SHISA6: variants seen among roughly 807,000 people sequenced by gnomAD.
The protein encoded by SHISA6 is shisa family member 6, also known as protein shisa-6.
Under a neutral mutation model 47.9 loss-of-function variants are expected in SHISA6, and 22 were observed. The observed-to-expected ratio is 0.46, with a 90% CI of 0.33 to 0.66. SHISA6 has a LOEUF of 0.66. Ranked by LOEUF, SHISA6 falls within the 30% of genes least tolerant of loss-of-function variation. The probability of loss-of-function intolerance (pLI) is 0.02; values close to 1 mark genes in which losing one functional copy is unlikely to be tolerated. For synonymous variants in SHISA6, 388 were observed against 337.8 expected (o/e 1.15, Z -1.63); for missense variants, 680 against 764.6 (o/e 0.89, Z 1.30).
intron 3 of SHISA6, among the ~76,000 whole-genome samples, chr17:11,473,214 A>T (rs963843501): frequency 7.9e-5 from 12 of 152,202 alleles, no homozygotes; most frequent in African/African-American, 2.9e-4. Context: ...CTTTGTATAT[A>T]AAAAGTCATT....
intron 3 of SHISA6, among the ~76,000 whole-genome samples, chr17:11,520,516 G>A (rs1444815629): frequency 6.6e-6 from 1 of 152,004 alleles, no homozygotes; most frequent in Non-Finnish European, 1.5e-5. Flanking sequence ...TTCTTCAATG[G>A]TATCTCAAGC....
chr17:11,364,451 C>T (rs72807121), intron 2 of SHISA6, among the ~76,000 whole-genome samples: 16,039 of 152,158 alleles, frequency 0.11, 896 homozygotes, highest in East Asian at 0.19. Flanking sequence ...TTTCACTTAA[C>T]GTTATATTAG....
chr17:11,485,452 C>G (rs1916323599), intron 3 of SHISA6, among the ~76,000 whole-genome samples: 1 of 152,144 alleles, frequency 6.6e-6, no homozygotes, highest in Non-Finnish European at 1.5e-5. Flanking sequence ...GCAATGCTGT[C>G]TCACATTAAC....
chr17:11,262,191 C>T (rs1312182107), intron 1 of SHISA6, among the ~76,000 whole-genome samples: 2 of 152,190 alleles, frequency 1.3e-5, no homozygotes, highest in Admixed American at 6.5e-5. Flanking sequence ...ATTCTTTCCC[C>T]CACAATTTAC....
intron 3 of SHISA6, among the ~76,000 whole-genome samples, chr17:11,457,780 T>G (rs1230462563): frequency 7.3e-6 from 1 of 137,512 alleles, no homozygotes; most frequent in African/African-American, 2.7e-5. Context: ...GATAGATGCC[T>G]TCCATAAAAA....
At chr17:11,529,764 T>C (rs1444258899) in intron 3 of SHISA6, among the ~76,000 whole-genome samples, 1 of 152,200 alleles carries the variant, frequency 6.6e-6, no homozygotes, top group Non-Finnish European at 1.5e-5. Context: ...AATGTTATGA[T>C]GTGTGACAGA....
rs145729567 is a variant in SHISA6, at chr17:11,467,789, A to G, written c.896-84107A>G. 5.7e-3 allele frequency among the ~76,000 whole-genome samples: 869 copies of G among 152,312 alleles called. 7 individuals are homozygous for G. The highest frequency in any genetic ancestry group is 0.02 in the African/African-American group (815 of 41,566). On this transcript the variant is annotated intron_variant, in intron 3 of 5. Coordinates refer to ENST00000441885, the MANE Select transcript of SHISA6 (RefSeq NM_207386.4). ...AGCACAGCCAAACAGATCCAGGGTAAGTGCCTGAAAGCAGGGTTTGCTTTG... is the reference window on the plus strand; with the variant it reads ...AGCACAGCCAAACAGATCCAGGGTAGGTGCCTGAAAGCAGGGTTTGCTTTG...
chr17:11,366,029 G>C (rs150345361), intron 2 of SHISA6, among the ~76,000 whole-genome samples: 13 of 152,350 alleles, frequency 8.5e-5, no homozygotes, highest in Non-Finnish European at 1.6e-4. Context: ...CATAAGCTGG[G>C]AATGCTAGAA....
At chr17:11,262,023 A>G (rs1016513889) in intron 1 of SHISA6, among the ~76,000 whole-genome samples, 4 of 152,220 alleles carry the variant, frequency 2.6e-5, no homozygotes, top group African/African-American at 9.6e-5. Flanking sequence ...GTGTGTATGA[A>G]AAGGTATCTC....
chr17:11,341,158 G>A (rs1195445953), intron 2 of SHISA6, among the ~76,000 whole-genome samples: 1 of 152,150 alleles, frequency 6.6e-6, no homozygotes, highest in East Asian at 1.9e-4. Flanking sequence ...TCTTCTGGGG[G>A]ACCCAGGATT....
At chr17:11,466,228 A>G (rs1006234) in intron 3 of SHISA6, among the ~76,000 whole-genome samples, 10,699 of 152,216 alleles carry the variant, frequency 0.07, 612 homozygotes, top group African/African-American at 0.15. Context: ...GAATAAGAGA[A>G]CACACCTGTT....
At chr17:11,245,995 G>A (rs1356301183) in intron 1 of SHISA6, among the ~76,000 whole-genome samples, 1 of 152,188 alleles carries the variant, frequency 6.6e-6, no homozygotes, top group Non-Finnish European at 1.5e-5. Flanking sequence ...GATTTAGTGA[G>A]TTCTCTTCCT....
intron 3 of SHISA6, among the ~76,000 whole-genome samples, chr17:11,412,009 A>G (rs1914136240): frequency 6.6e-6 from 1 of 152,104 alleles, no homozygotes; most frequent in Non-Finnish European, 1.5e-5. Flanking sequence ...ATATTTGGGG[A>G]AGATAAGAAA....
At chr17:11,283,267 AATC>A (rs1284725282) in intron 2 of SHISA6, among the ~76,000 whole-genome samples, 2 of 152,268 alleles carry the variant, frequency 1.3e-5, no homozygotes, top group Non-Finnish European at 2.9e-5. Flanking sequence ...TGTATCAGTT[AATC>A]ATCATATGAA....
intron 2 of SHISA6, among the ~76,000 whole-genome samples, chr17:11,291,676 A>C (rs1909549417): frequency 1.3e-5 from 2 of 151,968 alleles, no homozygotes; most frequent in African/African-American, 4.8e-5. Context: ...CCATGGATTT[A>C]TTTCCTTACC....
intron 3 of SHISA6, among the ~76,000 whole-genome samples, chr17:11,486,726 C>T (rs1454428041): frequency 6.6e-6 from 1 of 152,188 alleles, no homozygotes; most frequent in South Asian, 2.1e-4. Context: ...AGCATCTGGG[C>T]ACTAGGAATA....
chr17:11,383,519 C>A (rs1039962553), intron 3 of SHISA6, among the ~76,000 whole-genome samples: 4 of 152,074 alleles, frequency 2.6e-5, no homozygotes, highest in Admixed American at 1.3e-4. Context: ...TACTGTCTCT[C>A]CCACCTGTTG....
At chr17:11,519,778 C>T (rs919924455) in intron 3 of SHISA6, among the ~76,000 whole-genome samples, 5 of 152,158 alleles carry the variant, frequency 3.3e-5, no homozygotes, top group Non-Finnish European at 7.4e-5. Context: ...CAAGCCTGCT[C>T]CAGCTGAGGT....
At chr17:11,440,264 T>C (rs1018116581) in intron 3 of SHISA6, among the ~76,000 whole-genome samples, 1 of 152,170 alleles carries the variant, frequency 6.6e-6, no homozygotes, top group Non-Finnish European at 1.5e-5. Flanking sequence ...TGTTTGCTAC[T>C]TCATAATTTG....
Sources: allele counts gnomAD v4.1 joint callset (sites outside exome capture counted in the v4.1 genomes callset), GRCh38; gene constraint gnomAD v4.1.1; transcripts MANE v1.5; gene names NCBI Gene and HGNC (gene_info 2026-07-23, HGNC 2026-07-21).